RRN3: variants seen among roughly 807,000 people sequenced by gnomAD.
RRN3 encodes the protein RNA polymerase I transcription factor RRN3, also known as RNA polymerase I-specific transcription initiation factor RRN3.
A neutral mutation model predicts 82.3 loss-of-function variants in RRN3; 38 were observed. The observed-to-expected ratio is 0.46, with a 90% CI of 0.36 to 0.61. The LOEUF is 0.61. Among genes scored for constraint, RRN3 ranks in the 20% least tolerant of loss-of-function variants. The pLI is 0.00. For synonymous variants in RRN3, 284 were observed against 284.3 expected (o/e 1.00, Z 0.01); for missense variants, 726 against 793.1 (o/e 0.92, Z 1.02).
chr16:15,074,566 T>G (rs766902627), intron 11 of RRN3, 157 bp downstream of exon 11: 13 of 460,234 alleles, frequency 2.8e-5, no homozygotes, highest in Non-Finnish European at 4.1e-5. Flanking sequence ...GCTATGTGAC[T>G]GGCAAGTAAC....
intron 10 of RRN3, among the ~76,000 whole-genome samples, chr16:15,075,535 C>T (rs754314431): frequency 2.0e-5 from 3 of 150,304 alleles, no homozygotes; most frequent in Non-Finnish European, 4.4e-5. Context: ...CACACACTGC[C>T]ACACTCCAGC....
At chr16:15,077,670 T>A (rs1301253536) in intron 9 of RRN3, among the ~76,000 whole-genome samples, 1 of 152,110 alleles carries the variant, frequency 6.6e-6, no homozygotes, top group Non-Finnish European at 1.5e-5. Context: ...TGAAACCCCA[T>A]CTCTACTAAA....
Position 15,061,691 on chromosome 16 carries a change from T to G in RRN3, c.*53A>C. ...TGGCACAAGCTGGGTGCTGAGGGCA[T>G]GACAAGTGATGGGGAATCCCAAATG... On this transcript the variant is annotated 3_prime_UTR_variant, in exon 18 of 18. Coordinates refer to ENST00000198767, the MANE Select transcript of RRN3 (RefSeq NM_018427.5). 2 of 1,560,618 alleles carry G rather than the reference T, an allele frequency of 1.3e-6. No homozygotes were observed. Among genetic ancestry groups the G allele is most frequent in the South Asian group, 2.3e-5 (2 of 87,690 alleles).
chr16:15,071,308 A>G (rs2045217440), intron 12 of RRN3, 57 bp from the exon 13 acceptor site: 4 of 1,503,066 alleles, frequency 2.7e-6, no homozygotes, highest in South Asian at 1.3e-5. Context: ...TAATCTGGCT[A>G]TCAAAATCCC....
At chr16:15,065,716 G>C (rs1050545399) in intron 15 of RRN3, among the ~76,000 whole-genome samples, 37 of 152,052 alleles carry the variant, frequency 2.4e-4, no homozygotes, top group African/African-American at 8.9e-4. Context: ...CTTAGATTAC[G>C]TAACTATAGG....
At chr16:15,093,723 A>C (rs186452902) in intron 1 of RRN3, among the ~76,000 whole-genome samples, 1 of 152,358 alleles carries the variant, frequency 6.6e-6, no homozygotes, top group East Asian at 1.9e-4. Context: ...ACTGCGAAAC[A>C]AATACGTGTG....
chr16:15,091,224 G>C (rs2046119082), intron 3 of RRN3, 91 bp downstream of exon 3: 2 of 1,523,302 alleles, frequency 1.3e-6, no homozygotes, highest in African/African-American at 2.8e-5. Flanking sequence ...GAGAGAGCAA[G>C]TTCTGGAGGA....
intron 13 of RRN3, among the ~76,000 whole-genome samples, chr16:15,070,556 G>A (rs2045179942): frequency 6.6e-6 from 1 of 152,088 alleles, no homozygotes; most frequent in Non-Finnish European, 1.5e-5. Context: ...CCCTCTTAAG[G>A]TGATTGGCCA....
intron 7 of RRN3, among the ~76,000 whole-genome samples, chr16:15,084,033 T>C (rs923804946): frequency 6.6e-6 from 1 of 152,206 alleles, no homozygotes; most frequent in African/African-American, 2.4e-5. Context: ...GAACTTACAA[T>C]GTATAGCTTC....
chr16:15,070,344 A>C (rs565732170), intron 13 of RRN3, 90 bp from the exon 14 acceptor site: 2 of 1,109,956 alleles, frequency 1.8e-6, no homozygotes, highest in East Asian at 5.0e-5. Flanking sequence ...ATTACAAACC[A>C]TGCTAAGTAA....
At chr16:15,085,787 A>G (rs940086758) in intron 5 of RRN3, 89 bp from the exon 6 acceptor site, 3 of 1,537,886 alleles carry the variant, frequency 2.0e-6, no homozygotes, top group African/African-American at 2.8e-5. Context: ...TAGACAATGA[A>G]CAGCTATAAA....
chr16:15,090,037 C>T (rs1279719681), intron 3 of RRN3, among the ~76,000 whole-genome samples: 1 of 151,600 alleles, frequency 6.6e-6, no homozygotes, highest in African/African-American at 2.4e-5. Flanking sequence ...GGTGAAACCC[C>T]GTTTCTACTA....
chr16:15,074,912 G>T (rs564785963), intron 10 of RRN3, 51 bp from the exon 11 acceptor site: 367 of 1,525,204 alleles, frequency 2.4e-4, no homozygotes, highest in Non-Finnish European at 3.1e-4. Context: ...ATGTCAAAGT[G>T]GTTTAGTAGG....
At chr16:15,081,204 T>C (rs2045690090) in intron 8 of RRN3, among the ~76,000 whole-genome samples, 1 of 152,224 alleles carries the variant, frequency 6.6e-6, no homozygotes, top group Non-Finnish European at 1.5e-5. Context: ...TCTGTGGACA[T>C]ATATTTTCAT....
chr16:15,086,058 T>C, intron 5 of RRN3, 71 bp downstream of exon 5: 1 of 1,397,318 alleles, frequency 7.2e-7, no homozygotes, highest in Non-Finnish European at 9.8e-7. Context: ...CAGTCTCTCA[T>C]ATATAAGGGG....
rs1362032129 is a variant in RRN3, at chr16:15,086,128, C to T, written c.472+1G>A. The T allele has an allele frequency of 4.4e-6, 7 of 1,605,094 alleles. No individual in the cohort carries two copies. The highest frequency in any genetic ancestry group is 2.2e-5 in the East Asian group (1 of 44,744). ...AAATAAAATTCCAAGCAATGACTTA[C>T]GAGGCACAAAATGGGAAGCAATCAT... On this transcript the variant is annotated splice_donor_variant, in intron 5 of 17. Transcript: ENST00000198767. LOFTEE classifies it high-confidence loss of function.
intron 3 of RRN3, among the ~76,000 whole-genome samples, chr16:15,087,134 T>C (rs1270311961): frequency 1.3e-5 from 2 of 152,116 alleles, no homozygotes; most frequent in African/African-American, 4.8e-5. Context: ...GCATATATAC[T>C]GCACAGGAAA....
intron 10 of RRN3, among the ~76,000 whole-genome samples, chr16:15,075,250 C>CAA (rs56913254): frequency 3.7e-4 from 25 of 68,032 alleles, no homozygotes; most frequent in African/African-American, 6.1e-4. Flanking sequence ...TGTGCCCCAC[C>CAA]AAAAAAAAAA....
chr16:15,074,675 G>C (rs537927125), intron 11 of RRN3, 48 bp downstream of exon 11: 1 of 1,482,486 alleles, frequency 6.7e-7, no homozygotes, highest in South Asian at 1.2e-5. Context: ...CCAGCACAAA[G>C]CCAGGTACAC....
Sources: allele counts gnomAD v4.1 joint callset (sites outside exome capture counted in the v4.1 genomes callset), GRCh38; gene constraint gnomAD v4.1.1; transcripts MANE v1.5; gene names NCBI Gene and HGNC (gene_info 2026-07-23, HGNC 2026-07-21).